GAB2: variants seen among roughly 807,000 people sequenced by gnomAD.
GAB2 encodes GRB2-associated-binding protein 2.
In GAB2, 26 loss-of-function variants were observed where a neutral mutation model predicts 65.5. The ratio of observed to expected loss-of-function variants is 0.40; its 90% CI spans 0.29 to 0.55. The LOEUF (loss-of-function observed/expected upper bound fraction) is 0.55, where lower values mean the gene tolerates loss of function less well. Ranked by LOEUF, GAB2 falls within the 20% of genes least tolerant of loss-of-function variation. The pLI, the probability that GAB2 is intolerant of heterozygous loss-of-function variation, is 0.53. For missense variants in GAB2, 884 were observed against 875.8 expected (o/e 1.01, Z -0.12); for synonymous variants, 321 against 329.6 (o/e 0.97, Z 0.28).
At chr11:78,339,255 CTCT>C (rs1591050127) in intron 1 of GAB2, among the ~76,000 whole-genome samples, 1 of 152,122 alleles carries the variant, frequency 6.6e-6, no homozygotes, top group African/African-American at 2.4e-5. Flanking sequence ...ATCTATGACA[CTCT>C]TCTTTCATTT....
chr11:78,245,293 T>A (rs1277247776), intron 3 of GAB2, among the ~76,000 whole-genome samples: 2 of 151,852 alleles, frequency 1.3e-5, no homozygotes, highest in African/African-American at 4.8e-5. Flanking sequence ...GATGATATAT[T>A]TATGCTATGT....
chr11:78,400,540 T>C (rs1856955556), intron 1 of GAB2, among the ~76,000 whole-genome samples: 1 of 152,208 alleles, frequency 6.6e-6, no homozygotes, highest in African/African-American at 2.4e-5. Flanking sequence ...TTCTCAGCAT[T>C]TCTTATAAGC....
At chr11:78,339,468 T>G (rs1477429852) in intron 1 of GAB2, among the ~76,000 whole-genome samples, 2 of 152,196 alleles carry the variant, frequency 1.3e-5, no homozygotes, top group Non-Finnish European at 2.9e-5. Context: ...AATAGCAGAC[T>G]ATATCTGGAG....
At chr11:78,277,825 G>A (rs1027727829) in intron 2 of GAB2, among the ~76,000 whole-genome samples, 4 of 152,204 alleles carry the variant, frequency 2.6e-5, no homozygotes, top group Admixed American at 6.5e-5. Flanking sequence ...CAAGTTGCCC[G>A]CTTGGCCCTC....
At position 78,225,109 on chromosome 11, in the gene GAB2, A is replaced by C. The variant is rs1460135065; in HGVS notation, c.1301T>G (p.Leu434Arg). Reference protein sequence around the residue: ...ESMSDGVGSFLPGKMIVGRSD... With the variant: ...ESMSDGVGSFRPGKMIVGRSD... ...ACCCTTGGGTTAACCCACACTCACC[A>C]GGAAAGAGCCAACTCCATCACTCAT... Residue 434 changes from leucine to arginine, a missense_variant and splice_region_variant, in exon 5 of 10, where the codon CTG becomes CGG. Coordinates refer to ENST00000361507, the MANE Select transcript of GAB2 (RefSeq NM_080491.3). 5.0e-6 allele frequency: 8 copies of C among 1,606,734 alleles called. No homozygotes were observed. The highest frequency in any genetic ancestry group is 1.7e-5 in the Admixed American group (1 of 59,984).
At chr11:78,309,316 C>A (rs1205858588) in intron 1 of GAB2, among the ~76,000 whole-genome samples, 1 of 152,064 alleles carries the variant, frequency 6.6e-6, no homozygotes, top group Non-Finnish European at 1.5e-5. Context: ...GTTGTACAAC[C>A]ATCACCACTA....
At chr11:78,381,847 T>A (rs937438961) in intron 1 of GAB2, among the ~76,000 whole-genome samples, 1 of 152,236 alleles carries the variant, frequency 6.6e-6, no homozygotes, top group African/African-American at 2.4e-5. Context: ...GAGGTGGCTG[T>A]ATCACATATG....
intron 1 of GAB2, among the ~76,000 whole-genome samples, chr11:78,337,870 A>G (rs149682458): frequency 2.0e-5 from 3 of 152,312 alleles, no homozygotes; most frequent in African/African-American, 4.8e-5. Flanking sequence ...AGAGGCATGA[A>G]CAACTGCTGT....
At chr11:78,267,594 C>A (rs1158812707) in intron 2 of GAB2, among the ~76,000 whole-genome samples, 1 of 152,032 alleles carries the variant, frequency 6.6e-6, no homozygotes, top group Non-Finnish European at 1.5e-5. Context: ...TGCGGTGGCT[C>A]ACACCTGTAA....
chr11:78,404,981 A>C (rs1413554717), intron 1 of GAB2, among the ~76,000 whole-genome samples: 2 of 152,208 alleles, frequency 1.3e-5, no homozygotes, highest in Non-Finnish European at 1.5e-5. Context: ...TGCTTGTATC[A>C]AAATTTCACA....
At chr11:78,320,247 G>A (rs1365622374) in intron 1 of GAB2, among the ~76,000 whole-genome samples, 1 of 152,062 alleles carries the variant, frequency 6.6e-6, no homozygotes, top group Non-Finnish European at 1.5e-5. Context: ...ATGTTTCCCA[G>A]GCAGGATTTG....
chr11:78,323,047 A>G (rs1161214406), intron 1 of GAB2, among the ~76,000 whole-genome samples: 1 of 152,228 alleles, frequency 6.6e-6, no homozygotes, highest in Non-Finnish European at 1.5e-5. Flanking sequence ...TATTTACAAC[A>G]GCAAAGACAG....
At chr11:78,323,311 A>G (rs1406185223) in intron 1 of GAB2, among the ~76,000 whole-genome samples, 1 of 152,112 alleles carries the variant, frequency 6.6e-6, no homozygotes, top group African/African-American at 2.4e-5. Flanking sequence ...GGAGTTCGAG[A>G]CCAGCCTGGC....
chr11:78,406,053 C>A (rs907742720), intron 1 of GAB2, among the ~76,000 whole-genome samples: 4 of 152,194 alleles, frequency 2.6e-5, no homozygotes, highest in Admixed American at 6.5e-5. Context: ...CAGGTGACAC[C>A]TGCTAGGGTG....
intron 3 of GAB2, among the ~76,000 whole-genome samples, chr11:78,234,041 A>T (rs1864920078): frequency 6.6e-6 from 1 of 152,132 alleles, no homozygotes; most frequent in Non-Finnish European, 1.5e-5. Flanking sequence ...ATCTTTGCTT[A>T]CCTCAAGATC....
At chr11:78,401,279 A>AT (rs1190453918) in intron 1 of GAB2, among the ~76,000 whole-genome samples, 2 of 152,154 alleles carry the variant, frequency 1.3e-5, no homozygotes, top group Non-Finnish European at 2.9e-5. Context: ...TGTACCCATT[A>AT]AACAATAGCT....
intron 1 of GAB2, among the ~76,000 whole-genome samples, chr11:78,310,346 C>CAA (rs140896478): frequency 5.0e-5 from 6 of 120,102 alleles, no homozygotes; most frequent in African/African-American, 6.0e-5. Flanking sequence ...ACTAAAAATA[C>CAA]AAAAAAAAAA....
intron 1 of GAB2, among the ~76,000 whole-genome samples, chr11:78,363,638 G>A (rs1049128167): frequency 3.4e-5 from 5 of 147,956 alleles, no homozygotes; most frequent in Non-Finnish European, 7.4e-5. Context: ...AGGCTGAAGT[G>A]CAGTGGGACA....
At position 78,298,034 on chromosome 11, in the gene GAB2, G is replaced by A. The variant is rs73496775; in HGVS notation, c.76-17133C>T. Among the ~76,000 whole-genome samples, 633 of 152,212 alleles carry A rather than the reference G, an allele frequency of 4.2e-3. 3 individuals are homozygous for A. Among genetic ancestry groups the A allele is most frequent in the African/African-American group, 0.015 (609 of 41,546 alleles). Reference sequence around the variant, plus strand: ...ATATTTTTAAGTAAACAGAACATGAGAGCTGTGAATGGTTTTAAATTTTTC... The same window carrying A: ...ATATTTTTAAGTAAACAGAACATGAAAGCTGTGAATGGTTTTAAATTTTTC... On this transcript the variant is annotated intron_variant, in intron 1 of 9. Transcript: ENST00000361507.
Sources: allele counts gnomAD v4.1 joint callset (sites outside exome capture counted in the v4.1 genomes callset), GRCh38; gene constraint gnomAD v4.1.1; transcripts MANE v1.5; gene names NCBI Gene and HGNC (gene_info 2026-07-23, HGNC 2026-07-21).